The following SH3KBP1 variants were observed in gnomAD, a reference collection of about 807,000 sequenced individuals.
SH3KBP1 encodes the protein SH3 domain-containing kinase-binding protein 1.
In SH3KBP1, 8 loss-of-function variants were observed where a neutral mutation model predicts 50.1. The ratio of observed to expected loss-of-function variants is 0.16; its 90% CI spans 0.09 to 0.29. The LOEUF is 0.29. Among genes scored for constraint, SH3KBP1 ranks in the 10% least tolerant of loss-of-function variants. The pLI is 1.00. For synonymous variants in SH3KBP1, 227 were observed against 218.6 expected (o/e 1.04, Z -0.34); for missense variants, 377 against 535.2 (o/e 0.70, Z 2.92).
At chrX:19,622,795 C>A (rs900651189) in intron 8 of SH3KBP1, among the ~76,000 whole-genome samples, 2 of 112,269 alleles carry the variant, frequency 1.8e-5, no homozygotes, top group African/African-American at 6.5e-5. Context: ...GTAATCCCAG[C>A]ACTTTGGGAG....
intron 2 of SH3KBP1, among the ~76,000 whole-genome samples, chrX:19,777,242 G>C (rs1043096078): frequency 3.6e-5 from 4 of 111,455 alleles, no homozygotes; most frequent in Non-Finnish European, 7.5e-5. Flanking sequence ...GGGTCAAGTG[G>C]GAGGGTTAGA....
chrX:19,686,904 T>C (rs1300934446), intron 5 of SH3KBP1, among the ~76,000 whole-genome samples: 1 of 112,141 alleles, frequency 8.9e-6, no homozygotes, highest in African/African-American at 3.2e-5. Flanking sequence ...TTTTGTGGAA[T>C]GTACCCAGTC....
At chrX:19,565,227 A>G (rs2065809999) in intron 13 of SH3KBP1, among the ~76,000 whole-genome samples, 1 of 108,287 alleles carries the variant, frequency 9.2e-6, no homozygotes, top group South Asian at 4.1e-4. Flanking sequence ...ACACCCAGCT[A>G]ATTTCTGTAT....
chrX:19,813,107 C>A (rs1475242399), intron 2 of SH3KBP1, among the ~76,000 whole-genome samples: 1 of 108,944 alleles, frequency 9.2e-6, no homozygotes, highest in Admixed American at 9.8e-5. Flanking sequence ...CGCGCCACTG[C>A]ACTCCAGCCT....
At position 19,592,263 on chromosome X, in the gene SH3KBP1, G is replaced by C. The variant is rs1310509305; in HGVS notation, c.1058-116C>G. 3.0e-5 allele frequency: 18 copies of C among 593,727 alleles called. No individual in the cohort carries two copies. The Admixed American group carries it at 4.6e-4, about 15-fold the overall frequency. The allele number at this position is 593,727 out of a possible 1,213,427, so 48.9% of individuals were successfully genotyped here. A position where few individuals can be genotyped will look rare whatever the true frequency, so the allele number is the denominator to read the frequency against. ...AAGTCAGTAAGATTTTTTCCCCTGA[G>C]TTGGGCGTTAGCATTATCTGGCAAG... is the stretch of plus-strand genomic sequence containing the variant. On this transcript the variant is annotated intron_variant, in intron 10 of 17. Transcript: ENST00000397821.
At chrX:19,753,221 A>T (rs1392814149) in intron 2 of SH3KBP1, among the ~76,000 whole-genome samples, 1 of 111,969 alleles carries the variant, frequency 8.9e-6, no homozygotes, top group African/African-American at 3.2e-5. Context: ...CAGGGGAAAC[A>T]GACATCATTC....
intron 15 of SH3KBP1, among the ~76,000 whole-genome samples, chrX:19,543,135 G>T (rs73631342): frequency 2.7e-5 from 3 of 111,295 alleles, no homozygotes; most frequent in South Asian, 3.8e-4. Flanking sequence ...AGTGCTGGGG[G>T]CAGGAGTGGG....
Position 19,844,601 on chromosome X carries a change from G to A in SH3KBP1, c.5-8319C>T, listed in dbSNP as rs1206455534. On this transcript the variant is annotated intron_variant, in intron 1 of 17. Transcript: ENST00000397821. ...ATTCAATCAAAGATCAGAATGAAAT[G>A]CAGGGCCTGGATGGGAAAGCATTCA... 2.7e-5 allele frequency among the ~76,000 whole-genome samples: 3 copies of A among 111,445 alleles called. No individual in the cohort carries two copies. The Admixed American group carries it at 2.9e-4, about 11-fold the overall frequency.
At chrX:19,835,827 G>A (rs895981847) in intron 2 of SH3KBP1, among the ~76,000 whole-genome samples, 7 of 107,654 alleles carry the variant, frequency 6.5e-5, no homozygotes, top group East Asian at 2.8e-4. Context: ...CAAGTGATCC[G>A]CCCACCTCAG....
chrX:19,668,872 A>T (rs1382506590), intron 6 of SH3KBP1, among the ~76,000 whole-genome samples: 1 of 94,638 alleles, frequency 1.1e-5, no homozygotes, highest in Non-Finnish European at 2.1e-5. Context: ...AAAAAAAAAA[A>T]AGTCTGGAAG....
At chrX:19,842,118 G>A (rs1028108779) in intron 1 of SH3KBP1, among the ~76,000 whole-genome samples, 4 of 111,988 alleles carry the variant, frequency 3.6e-5, no homozygotes, top group Non-Finnish European at 5.6e-5. Context: ...TTGGGGTGAC[G>A]GAAATATTCT....
At chrX:19,637,800 C>A (rs1049873755) in intron 7 of SH3KBP1, among the ~76,000 whole-genome samples, 1 of 111,070 alleles carries the variant, frequency 9.0e-6, no homozygotes. Flanking sequence ...TTAGTCTGGC[C>A]GGGCGCGGTG....
intron 2 of SH3KBP1, among the ~76,000 whole-genome samples, chrX:19,794,020 G>C (rs1603247457): frequency 9.0e-6 from 1 of 110,689 alleles, no homozygotes; most frequent in African/African-American, 3.3e-5. Context: ...ATGAAAGCAG[G>C]TGATGTCAAT....
chrX:19,673,513 G>A (rs1263378527), intron 6 of SH3KBP1, among the ~76,000 whole-genome samples: 1 of 111,301 alleles, frequency 9.0e-6, no homozygotes, highest in East Asian at 2.8e-4. Flanking sequence ...AGGCAACGGC[G>A]ATCCAGCTTA....
At chrX:19,838,547 TGTA>T (rs753602507) in intron 1 of SH3KBP1, among the ~76,000 whole-genome samples, 1 of 111,663 alleles carries the variant, frequency 9.0e-6, no homozygotes, top group East Asian at 2.8e-4. Context: ...AAAAGATCTG[TGTA>T]AAGAAAGTAG....
chrX:19,611,761 T>C (rs1016611059), intron 8 of SH3KBP1, among the ~76,000 whole-genome samples: 4 of 110,848 alleles, frequency 3.6e-5, no homozygotes. Context: ...GGCCCATCTA[T>C]ATTCTGCTTC....
At chrX:19,536,813 G>T (rs1344358640) in intron 17 of SH3KBP1, among the ~76,000 whole-genome samples, 1 of 111,839 alleles carries the variant, frequency 8.9e-6, no homozygotes, top group Non-Finnish European at 1.9e-5. Flanking sequence ...TTGGCTCAAG[G>T]GGGTGTCTGT....
intron 2 of SH3KBP1, among the ~76,000 whole-genome samples, chrX:19,751,885 G>A (rs1234323088): frequency 1.8e-5 from 2 of 112,171 alleles, no homozygotes; most frequent in Non-Finnish European, 3.8e-5. Context: ...ATGCAACTGC[G>A]AGCTATGCTA....
intron 13 of SH3KBP1, among the ~76,000 whole-genome samples, chrX:19,564,482 G>A (rs1267812012): frequency 1.8e-5 from 2 of 110,268 alleles, no homozygotes; most frequent in Non-Finnish European, 3.8e-5. Context: ...CTTTCTATTT[G>A]AAATCAGACT....
Sources: gnomAD v4.1 joint callset for allele counts (sites outside exome capture counted in the v4.1 genomes callset) on GRCh38, gnomAD v4.1.1 for gene constraint, MANE v1.5 for transcripts, NCBI Gene and HGNC (gene_info 2026-07-23, HGNC 2026-07-21) for gene names.